Variants in MED13L observed in about 807,000 individuals in gnomAD.
The protein encoded by MED13L is mediator complex subunit 13L.
Under a neutral mutation model 220.9 loss-of-function variants are expected in MED13L, and 7 were observed. The ratio of observed to expected loss-of-function variants is 0.03; its 90% CI spans 0.02 to 0.06. The LOEUF (loss-of-function observed/expected upper bound fraction) is 0.06, where lower values mean the gene tolerates loss of function less well. MED13L is among the 10% of genes least tolerant of loss of function. The pLI, the probability that MED13L is intolerant of heterozygous loss-of-function variation, is 1.00. For missense variants in MED13L, 1,965 were observed against 2,760.5 expected (o/e 0.71, Z 6.46); for synonymous variants, 1,011 against 1,015.2 (o/e 1.00, Z 0.08).
intron 3 of MED13L, among the ~76,000 whole-genome samples, chr12:116,108,390 A>AG (rs35576412): frequency 0.26 from 10,611 of 40,986 alleles, 1,194 homozygotes; most frequent in Middle Eastern, 0.42. Flanking sequence ...TTTAAAAGAA[A>AG]GGGGGGGGGG....
intron 4 of MED13L, among the ~76,000 whole-genome samples, chr12:116,078,781 C>T (rs1489071605): frequency 5.9e-5 from 9 of 152,054 alleles, no homozygotes; most frequent in Admixed American, 2.0e-4. Context: ...AAGTAAAATG[C>T]ATACAAACCA....
chr12:115,971,075 C>G (rs1565985124), intron 26 of MED13L, among the ~76,000 whole-genome samples: 1 of 152,192 alleles, frequency 6.6e-6, no homozygotes, highest in Admixed American at 6.5e-5. Context: ...CTTTCCTCCT[C>G]TGGTTGTTCA....
chr12:116,028,333 G>T (rs1027723799), intron 4 of MED13L, among the ~76,000 whole-genome samples: 1 of 152,096 alleles, frequency 6.6e-6, no homozygotes, highest in East Asian at 1.9e-4. Flanking sequence ...CTTGCTTCTT[G>T]TCACTTATTA....
At chr12:116,097,155 GT>G (rs571971505) in intron 3 of MED13L, among the ~76,000 whole-genome samples, 25 of 146,786 alleles carry the variant, frequency 1.7e-4, no homozygotes, top group African/African-American at 2.7e-4. Flanking sequence ...CATCTTTCAA[GT>G]TTTTTTTTTT....
rs1357792240 is a variant in MED13L, at chr12:116,039,567, A to C, written c.480-16966T>G. 7.2e-5 allele frequency among the ~76,000 whole-genome samples: 11 copies of C among 152,124 alleles called. No individual in the cohort carries two copies. The South Asian group carries it at 1.9e-3, about 26-fold the overall frequency. ...CCCTAACATAAATCTCATAATTCTA[A>C]ATACACTGATAAGCCCCTAGAGGAT... On this transcript the variant is annotated intron_variant, in intron 4 of 30. Coordinates refer to ENST00000281928, the MANE Select transcript of MED13L (RefSeq NM_015335.5).
Position 115,987,106 on chromosome 12 carries a change from T to C in MED13L, c.4114+3A>G. ...GGAATTTTAAACAGGACAAAGACCC[T>C]ACCGTAGGTTCCCCGTCCTGCCATT... On this transcript the variant is annotated splice_donor_region_variant and intron_variant, in intron 18 of 30. Coordinates refer to ENST00000281928, the MANE Select transcript of MED13L (RefSeq NM_015335.5). The C allele has an allele frequency of 1.2e-6, 2 of 1,614,080 alleles. No individual in the cohort carries two copies. Among genetic ancestry groups the C allele is most frequent in the South Asian group, 2.2e-5 (2 of 91,080 alleles).
At position 116,008,822 on chromosome 12, in the gene MED13L, C is replaced by G. The variant is rs369211382; in HGVS notation, c.1591G>C (p.Val531Leu). 14 of 1,613,844 alleles carry G rather than the reference C, an allele frequency of 8.7e-6. No homozygotes were observed. The highest frequency in any genetic ancestry group is 1.2e-5 in the Non-Finnish European group (14 of 1,179,988). ...TGCTTGCTTGTATTTCTGGAAGGCA[C>G]GGCCATTTGCTTATCATATTTCCTA... Reference protein sequence around the residue: ...SSRKYDKQMAVPSRNTSKQMN... With the variant: ...SSRKYDKQMALPSRNTSKQMN... The change falls in exon 10 of 31, where the codon GTG (valine) becomes CTG (leucine). Residue 531 changes from valine to leucine, a missense_variant. This residue lies in a region of MED13L where 818 missense variants were observed against 1,041.2 expected (regional missense o/e 0.79). Transcript: ENST00000281928.
intron 2 of MED13L, among the ~76,000 whole-genome samples, chr12:116,166,097 C>T (rs1413990609): frequency 2.0e-5 from 3 of 152,232 alleles, no homozygotes; most frequent in East Asian, 1.9e-4. Context: ...GGCGCAGTGG[C>T]TCATGCCTGT....
intron 12 of MED13L, 55 bp from the exon 13 acceptor site, chr12:116,006,048 A>T (rs1879025599): frequency 5.0e-6 from 8 of 1,607,088 alleles, no homozygotes; most frequent in Non-Finnish European, 6.8e-6. Context: ...AGCGCAAAGG[A>T]GTAGGGAGAG....
intron 4 of MED13L, among the ~76,000 whole-genome samples, chr12:116,083,557 G>A (rs1871382606): frequency 6.6e-6 from 1 of 152,132 alleles, no homozygotes; most frequent in South Asian, 2.1e-4. Flanking sequence ...AAGAATGGGA[G>A]TTATAATAAA....
chr12:116,170,396 T>G (rs752237620), intron 2 of MED13L, among the ~76,000 whole-genome samples: 1 of 152,082 alleles, frequency 6.6e-6, no homozygotes, highest in Non-Finnish European at 1.5e-5. Flanking sequence ...TAAATCTGAT[T>G]GATCATAGTT....
At chr12:115,982,316 C>T (rs1486530521) in intron 22 of MED13L, 68 bp downstream of exon 22, 1 of 1,465,030 alleles carries the variant, frequency 6.8e-7, no homozygotes, top group African/African-American at 1.4e-5. Context: ...AATCATAGGC[C>T]TGTATTTATT....
intron 2 of MED13L, among the ~76,000 whole-genome samples, chr12:116,157,808 G>A (rs1483005278): frequency 6.6e-6 from 1 of 152,206 alleles, no homozygotes; most frequent in Non-Finnish European, 1.5e-5. Flanking sequence ...TCTGGAGAAA[G>A]GGGTGAAAAT....
rs567106568 is a variant in MED13L, at chr12:116,195,639, C to T, written c.310+41829G>A. 2.6e-5 allele frequency among the ~76,000 whole-genome samples: 4 copies of T among 152,014 alleles called. No individual in the cohort carries two copies. The East Asian group carries it at 7.8e-4, about 29-fold the overall frequency. ...CTAATTTTTGTATTTTCAGTAGAGA[C>T]AGGATTTTGCCATGTTGGCCAGGCT... On this transcript the variant is annotated intron_variant, in intron 2 of 30. Transcript: ENST00000281928.
chr12:116,149,853 A>G (rs1428824742), intron 2 of MED13L, among the ~76,000 whole-genome samples: 1 of 152,240 alleles, frequency 6.6e-6, no homozygotes, highest in Non-Finnish European at 1.5e-5. Flanking sequence ...TTAGCTGGCA[A>G]TAAAAAATGT....
At chr12:116,253,949 C>T (rs1275633371) in intron 1 of MED13L, among the ~76,000 whole-genome samples, 5 of 151,482 alleles carry the variant, frequency 3.3e-5, no homozygotes, top group Admixed American at 1.3e-4. Context: ...TTAGTAGAGA[C>T]GGGGTTTCGC....
intron 4 of MED13L, among the ~76,000 whole-genome samples, chr12:116,085,420 CAAGAT>C (rs912254603): frequency 6.6e-6 from 1 of 152,030 alleles, no homozygotes; most frequent in African/African-American, 2.4e-5. Flanking sequence ...CTTTTAACAT[CAAGAT>C]AAGAATGGTG....
chr12:116,151,471 A>G (rs1878032488), intron 2 of MED13L, among the ~76,000 whole-genome samples: 1 of 152,238 alleles, frequency 6.6e-6, no homozygotes, highest in South Asian at 2.1e-4. Context: ...AACGCATACA[A>G]TAAAACTCCT....
chr12:116,174,888 C>T (rs1405494701), intron 2 of MED13L: 2 of 152,134 alleles, frequency 1.3e-5, no homozygotes, highest in East Asian at 1.9e-4. Context: ...CAACATAGCA[C>T]AGTGGGACCT....
Sources: allele counts gnomAD v4.1 joint callset (sites outside exome capture counted in the v4.1 genomes callset), GRCh38; gene constraint gnomAD v4.1.1; regional missense constraint gnomAD v4.1.1; transcripts MANE v1.5; gene names NCBI Gene and HGNC (gene_info 2026-07-23, HGNC 2026-07-21).